Variants in RARS1 observed in about 807,000 individuals in gnomAD.
The protein encoded by RARS1 is arginyl-tRNA synthetase 1.
In RARS1, 75 loss-of-function variants were observed where a neutral mutation model predicts 78.7. The ratio of observed to expected loss-of-function variants is 0.95; its 90% CI spans 0.79 to 1.15. The LOEUF (loss-of-function observed/expected upper bound fraction) is 1.15, where lower values mean the gene tolerates loss of function less well. Ranked by LOEUF, RARS1 falls within the 50% of genes most tolerant of loss-of-function variation. The pLI, the probability that RARS1 is intolerant of heterozygous loss-of-function variation, is 0.00. For synonymous variants in RARS1, 273 were observed against 268.2 expected (o/e 1.02, Z -0.18); for missense variants, 787 against 787.5 (o/e 1.00, Z 0.01).
chr5:168,519,270 C>A lies in RARS1; in HGVS notation c.*80C>A. ...TTGCTTTTTTACAATCATGTGGACACAAGCATAAGTAAAGAAAATTTGTCA... is the reference window on the plus strand; with the variant it reads ...TTGCTTTTTTACAATCATGTGGACAAAAGCATAAGTAAAGAAAATTTGTCA... On this transcript the variant is annotated 3_prime_UTR_variant, in exon 15 of 15. Coordinates refer to ENST00000231572, the MANE Select transcript of RARS1 (RefSeq NM_002887.4). The A allele has an allele frequency of 1.9e-6, 2 of 1,063,412 alleles. No homozygotes were observed. The highest frequency in any genetic ancestry group is 1.4e-6 in the Non-Finnish European group (1 of 719,594). 65.9% of individuals were successfully genotyped at this position (1,063,412 alleles called of 1,614,324 possible).
In RARS1 at chr5:168,500,719, A is replaced by T; in HGVS notation, c.951A>T (p.Gln317His). ...AWKLICDVSR[Q>H]ELNKIYDALD... Reference sequence around the variant, plus strand: ...AGCTTATCTGTGATGTCTCCCGCCAAGGTGAGTTTCTGGGCTTTGTTCCTT... The same window carrying T: ...AGCTTATCTGTGATGTCTCCCGCCATGGTGAGTTTCTGGGCTTTGTTCCTT... Residue 317 changes from glutamine (Q) to histidine (H), a missense_variant and splice_region_variant, in exon 8 of 15, where the codon CAA (glutamine) becomes CAT (histidine). By Grantham distance (24) the Gln-to-His change is conservative. Coordinates refer to ENST00000231572, the MANE Select transcript of RARS1 (RefSeq NM_002887.4). The T allele has an allele frequency of 6.2e-7, 1 of 1,609,810 alleles. No homozygotes were observed. The highest frequency in any genetic ancestry group is 1.1e-5 in the South Asian group (1 of 90,248).
chr5:168,495,295 T>C lies in RARS1; in HGVS notation c.580-20T>C. 2 of 1,611,852 alleles carry C rather than the reference T, an allele frequency of 1.2e-6. No homozygotes were observed. The highest frequency in any genetic ancestry group is 1.7e-6 in the Non-Finnish European group (2 of 1,178,656). On this transcript the variant is annotated intron_variant, in intron 5 of 14. Transcript: ENST00000231572. ...TGTTTATGCCCCTCTTAACAGCCTTTCTCTTTTTGTCTACCCCAGGTTATA... is the reference window on the plus strand; with the variant it reads ...TGTTTATGCCCCTCTTAACAGCCTTCCTCTTTTTGTCTACCCCAGGTTATA...
Position 168,493,051 on chromosome 5 carries a change from A to G in RARS1, c.369+204A>G, listed in dbSNP as rs569535289. The G allele has an allele frequency of 1.3e-4, 63 of 484,372 alleles. 1 individual carries two copies. Among genetic ancestry groups the G allele is most frequent in the South Asian group, 1.1e-3 (30 of 27,084 alleles). 30.0% of individuals were successfully genotyped at this position (484,372 alleles called of 1,614,324 possible). On this transcript the variant is annotated intron_variant, in intron 3 of 14. Transcript: ENST00000231572. ...TTTTTAAGGTTTGGTTAAATTTTAT[A>G]TGTATTCTCAATATTTAAGGGCAAT...
chr5:168,518,094 T>TG, intron 14 of RARS1, 32 bp downstream of exon 14: 1 of 1,397,516 alleles, frequency 7.2e-7, no homozygotes, highest in Non-Finnish European at 9.3e-7. Flanking sequence ...TTTTTTTTTT[T>TG]TAGTGAGAGA....
chr5:168,494,741 G>A, intron 5 of RARS1, 91 bp downstream of exon 5: 1 of 925,882 alleles, frequency 1.1e-6, no homozygotes, highest in Non-Finnish European at 1.7e-6. Context: ...CAGCTACTTG[G>A]GAGGCTGAAG....
At chr5:168,508,011 T>C (rs7720641) in intron 11 of RARS1, among the ~76,000 whole-genome samples, 19,753 of 151,908 alleles carry the variant, frequency 0.13, 1,690 homozygotes, top group Non-Finnish European at 0.19. Flanking sequence ...GGTGACAGAG[T>C]GAGACTGTGT....
chr5:168,493,774 T>C lies in RARS1; in HGVS notation c.370-120T>C, dbSNP rs74936344. 100 of 726,164 alleles carry C rather than the reference T, an allele frequency of 1.4e-4. No individual in the cohort carries two copies. The African/African-American group carries it at 1.6e-3, about 12-fold the overall frequency. The allele number at this position is 726,164 out of a possible 1,614,324, so 45.0% of individuals were successfully genotyped here. A position where few individuals can be genotyped will look rare whatever the true frequency, so the allele number is the denominator to read the frequency against. ...GTCATTCATAATGTGATTGGACTTC[T>C]CTGCTTCTGCCTTTTGATGGTTCTT... On this transcript the variant is annotated intron_variant, in intron 3 of 14. Coordinates refer to ENST00000231572, the MANE Select transcript of RARS1 (RefSeq NM_002887.4).
At chr5:168,494,345 G>C in intron 4 of RARS1, 5 of 985,462 alleles carry the variant, frequency 5.1e-6, no homozygotes, top group Non-Finnish European at 6.0e-6. Flanking sequence ...CCTGAGTTAA[G>C]TAGGAAGGTT....
At position 168,494,724 on chromosome 5, in the gene RARS1, A is replaced by G. The variant is rs1328457774; in HGVS notation, c.579+74A>G. The G allele has an allele frequency of 2.0e-5, 21 of 1,070,610 alleles. No individual in the cohort carries two copies. The South Asian group carries it at 2.2e-4, about 11-fold the overall frequency. The allele number at this position is 1,070,610 out of a possible 1,614,324, so 66.3% of individuals were successfully genotyped here. A position where few individuals can be genotyped will look rare whatever the true frequency, so the allele number is the denominator to read the frequency against. On this transcript the variant is annotated intron_variant, in intron 5 of 14. Transcript: ENST00000231572. ...GAACCAAGCATGGTGGTATGTGCCT[A>G]TAGTCTCAGCTACTTGGGAGGCTGA...
chr5:168,505,714 GAAAAAAAAAA>G (rs60743864), intron 9 of RARS1, among the ~76,000 whole-genome samples: 2 of 114,248 alleles, frequency 1.8e-5, no homozygotes, highest in Admixed American at 9.0e-5. Flanking sequence ...TATCAAAAAA[GAAAAAAAAAA>G]AAAAAAAAAA....
At position 168,488,688 on chromosome 5, in the gene RARS1, A is replaced by T. The variant is rs766924890; in HGVS notation, c.132A>T (p.Leu44Phe). ...GAGCTTCTCCAAATTTGGAGCAGTT[A>T]CAAGAAGAAAATTTAAAATTAAAGT... ...CLGASPNLEQ[L>F]QEENLKLKYR... The change falls in exon 2 of 15, where the codon TTA becomes TTT. Residue 44 changes from leucine (L) to phenylalanine (F), a missense_variant. By Grantham distance (22) the Leu-to-Phe change is conservative (BLOSUM62 0). Coordinates refer to ENST00000231572, the MANE Select transcript of RARS1 (RefSeq NM_002887.4). The T allele has an allele frequency of 6.2e-7, 1 of 1,611,770 alleles. No individual in the cohort carries two copies. The highest frequency in any genetic ancestry group is 8.5e-7 in the Non-Finnish European group (1 of 1,179,438).
intron 12 of RARS1, among the ~76,000 whole-genome samples, chr5:168,515,725 T>G (rs1758652376): frequency 6.6e-6 from 1 of 152,234 alleles, no homozygotes; most frequent in South Asian, 2.1e-4. Context: ...TGGCCATACT[T>G]CAATGGCGTG....
chr5:168,486,673 G>A, intron 1 of RARS1, 130 bp downstream of exon 1: 1 of 936,556 alleles, frequency 1.1e-6, no homozygotes, highest in Non-Finnish European at 1.6e-6. Flanking sequence ...GAGCGGCACG[G>A]TCCCTGTGGG....
At chr5:168,510,907 T>A (rs946950962) in intron 12 of RARS1, among the ~76,000 whole-genome samples, 1 of 152,248 alleles carries the variant, frequency 6.6e-6, no homozygotes, top group Non-Finnish European at 1.5e-5. Context: ...GGCTTTTTCC[T>A]CCTTTGTTAA....
chr5:168,506,662 T>C, intron 10 of RARS1, 60 bp from the exon 11 acceptor site: 1 of 1,308,626 alleles, frequency 7.6e-7, no homozygotes, highest in Non-Finnish European at 1.1e-6. Flanking sequence ...CAAAAGAGCC[T>C]TAAGTCTTTT....
intron 12 of RARS1, among the ~76,000 whole-genome samples, chr5:168,512,656 C>T (rs964702464): frequency 6.6e-6 from 1 of 152,144 alleles, no homozygotes; most frequent in Non-Finnish European, 1.5e-5. Context: ...GTCAGATATT[C>T]GAGGGCAGGA....
rs1758710716 is a variant in RARS1, at chr5:168,518,071, C to CTTTTTTTTTTGTTTTTTTTTTTTTTTT, written c.1873+19_1873+20insGTTTTTTTTTTTTTTTTTTTTTTTTTT. 1.6e-6 allele frequency: 1 copy of CTTTTTTTTTTGTTTTTTTTTTTTTTTT among 632,602 alleles called. No homozygotes were observed. Among genetic ancestry groups the CTTTTTTTTTTGTTTTTTTTTTTTTTTT allele is most frequent in the African/African-American group, 5.0e-5 (1 of 19,816 alleles). The allele number at this position is 632,602 out of a possible 1,614,324, so 39.2% of individuals were successfully genotyped here. A position where few individuals can be genotyped will look rare whatever the true frequency, so the allele number is the denominator to read the frequency against. On this transcript the variant is annotated intron_variant, in intron 14 of 14. Transcript: ENST00000231572. ...GAAAGATAGACAGACTGGTGAGTGT[C>CTTTTTTTTTTGTTTTTTTTTTTTTTTT]TTTTTTTTTTTTTTTTTTTTTTTTA...
chr5:168,506,929 C>T (rs75106564), intron 11 of RARS1, 98 bp downstream of exon 11: 109 of 973,858 alleles, frequency 1.1e-4, no homozygotes, highest in Middle Eastern at 4.4e-4. Flanking sequence ...TCCACAGTTT[C>T]CTTTAGTCCA....
chr5:168,517,961 A>T lies in RARS1; in HGVS notation c.1772A>T (p.Asp591Val), dbSNP rs769994767. ...FPEILQKILD[D>V]LFLHTLCDYI... ...GAGATTCTGCAAAAGATTTTAGATG[A>T]CTTATTTCTCCACACTCTCTGTGAT... is the stretch of plus-strand genomic sequence containing the variant. The change falls in exon 14 of 15, where the codon GAC becomes GTC. Residue 591 changes from aspartate to valine, a missense_variant. Coordinates refer to ENST00000231572, the MANE Select transcript of RARS1 (RefSeq NM_002887.4). 1.2e-6 allele frequency: 2 copies of T among 1,612,864 alleles called. No homozygotes were observed. Among genetic ancestry groups the T allele is most frequent in the South Asian group, 2.2e-5 (2 of 91,042 alleles).
Sources: gnomAD v4.1 joint callset for allele counts (sites outside exome capture counted in the v4.1 genomes callset) on GRCh38, gnomAD v4.1.1 for gene constraint, MANE v1.5 for transcripts, NCBI Gene and HGNC (gene_info 2026-07-23, HGNC 2026-07-21) for gene names.